Variants in BMS1 observed in about 807,000 individuals in gnomAD.
BMS1 encodes the protein BMS1 ribosome biogenesis factor.
A neutral mutation model predicts 138.7 loss-of-function variants in BMS1; 53 were observed. That is an observed-to-expected ratio of 0.38 (90% CI 0.31 to 0.48). The LOEUF (loss-of-function observed/expected upper bound fraction) is 0.48. Ranked by LOEUF, BMS1 falls within the 20% of genes least tolerant of loss-of-function variation. The pLI, the probability that BMS1 is intolerant of heterozygous loss-of-function variation, is 0.97. For missense variants in BMS1, 1,360 were observed against 1,565.5 expected, an observed-to-expected ratio of 0.87 and a Z score of 2.22; for synonymous variants, 504 against 539.9, an observed-to-expected ratio of 0.93 and a Z score of 0.92.
chr10:42,784,334 C>T (rs927118612), intron 1 of BMS1, 28 bp from the exon 2 acceptor site: 1 of 1,474,716 alleles, frequency 6.8e-7, no homozygotes, highest in Non-Finnish European at 9.0e-7. Context: ...CTTCTCCCAT[C>T]TCCTTACCCC....
At chr10:42,787,766 T>G (rs1377750549) in intron 4 of BMS1, among the ~76,000 whole-genome samples, 2 of 152,204 alleles carry the variant, frequency 1.3e-5, no homozygotes, top group Non-Finnish European at 2.9e-5. Flanking sequence ...ACCTTCATCC[T>G]TAATGATAAT....
intron 13 of BMS1, among the ~76,000 whole-genome samples, chr10:42,807,176 A>G (rs1016671684): frequency 6.6e-6 from 1 of 152,120 alleles, no homozygotes; most frequent in Non-Finnish European, 1.5e-5. Flanking sequence ...TGTTTTATAA[A>G]CACACCCACG....
At chr10:42,827,233 G>A (rs1214002367) in intron 21 of BMS1, among the ~76,000 whole-genome samples, 2 of 152,124 alleles carry the variant, frequency 1.3e-5, no homozygotes, top group Non-Finnish European at 2.9e-5. Context: ...AGCAGCACAA[G>A]ACCCTCGCCA....
intron 21 of BMS1, 108 bp from the exon 22 acceptor site, chr10:42,830,147 CTGGTGT>C (rs1842760149): frequency 8.2e-7 from 1 of 1,218,568 alleles, no homozygotes; most frequent in Non-Finnish European, 1.2e-6. Flanking sequence ...CCGGCAGACT[CTGGTGT>C]TACTAATCTT....
At chr10:42,795,216 A>G (rs1358273921) in intron 9 of BMS1, among the ~76,000 whole-genome samples, 2 of 152,166 alleles carry the variant, frequency 1.3e-5, no homozygotes, top group Non-Finnish European at 2.9e-5. Context: ...TAGTGCGGCA[A>G]TAAACATACG....
chr10:42,790,369 T>G lies in BMS1; in HGVS notation c.494T>G (p.Phe165Cys). 1 of 1,613,918 alleles carries G rather than the reference T, an allele frequency of 6.2e-7. No individual in the cohort carries two copies. The highest frequency in any genetic ancestry group is 8.5e-7 in the Non-Finnish European group (1 of 1,179,824). ...DASFGFEMET[F>C]EFLNICQVHG... ...AGCTTTGGGTTTGAAATGGAAACGT[T>G]TGAGTTTCTAAACATCTGTCAAGTA... is the stretch of plus-strand genomic sequence containing the variant. Residue 165 changes from phenylalanine to cysteine, a missense_variant, in exon 5 of 23, where the codon TTT becomes TGT. This residue lies in a region of BMS1 where 238 missense variants were observed against 311.1 expected (regional missense o/e 0.77). Transcript: ENST00000374518.
intron 12 of BMS1, among the ~76,000 whole-genome samples, chr10:42,799,489 C>A (rs1389959675): frequency 6.6e-6 from 1 of 152,202 alleles, no homozygotes; most frequent in Non-Finnish European, 1.5e-5. Context: ...TTAGATGTCA[C>A]TTCTCACAGA....
At chr10:42,793,522 C>A (rs1490255214) in intron 8 of BMS1, among the ~76,000 whole-genome samples, 1 of 151,992 alleles carries the variant, frequency 6.6e-6, no homozygotes, top group Non-Finnish European at 1.5e-5. Flanking sequence ...ATATTTATTT[C>A]TTTGTTCTGA....
intron 21 of BMS1, among the ~76,000 whole-genome samples, chr10:42,827,908 C>T (rs1291308217): frequency 1.3e-5 from 2 of 152,110 alleles, no homozygotes; most frequent in African/African-American, 2.4e-5. Context: ...CTATTTTTTT[C>T]CCCACCATAT....
At chr10:42,797,281 G>A in intron 10 of BMS1, 50 bp downstream of exon 10, 1 of 1,578,098 alleles carries the variant, frequency 6.3e-7, no homozygotes, top group Non-Finnish European at 8.6e-7. Context: ...TCTCGAAATG[G>A]TAACCAAAGG....
rs763663032 is a variant in BMS1, at chr10:42,820,967, C to G, written c.2984C>G (p.Ala995Gly). 6.3e-7 allele frequency: 1 copy of G among 1,599,192 alleles called. No individual in the cohort carries two copies. The highest frequency in any genetic ancestry group is 8.5e-7 in the Non-Finnish European group (1 of 1,176,598). ...PITPQGTGFL[A>G]IQSVSGIMPD... The stretch of plus-strand genomic sequence containing the variant: ...ACTCCACAGGGAACTGGTTTCTTGG[C>G]AATACAGTCTGTCAGTGGCATAATG... The change falls in exon 18 of 23, where the codon GCA (alanine) becomes GGA (glycine). Residue 995 changes from alanine to glycine, a missense_variant. Ala to Gly is a moderately conservative substitution (Grantham distance 60). This residue lies in a region of BMS1 where 425 missense variants were observed against 568.3 expected (regional missense o/e 0.75). Coordinates refer to ENST00000374518, the MANE Select transcript of BMS1 (RefSeq NM_014753.4).
chr10:42,820,227 C>A lies in BMS1; in HGVS notation c.2581-9C>A, dbSNP rs746318994. ...GCATACAGGTTTTTTTATTCCCCATCATGTACAGCTGAATCGCGCAGAATT... is the reference window on the plus strand; with the variant it reads ...GCATACAGGTTTTTTTATTCCCCATAATGTACAGCTGAATCGCGCAGAATT... On this transcript the variant is annotated splice_polypyrimidine_tract_variant and intron_variant, in intron 15 of 22. Transcript: ENST00000374518. 2 of 1,609,440 alleles carry A rather than the reference C, an allele frequency of 1.2e-6. No individual in the cohort carries two copies. Among genetic ancestry groups the A allele is most frequent in the Non-Finnish European group, 8.5e-7 (1 of 1,179,750 alleles).
chr10:42,796,499 C>A lies in BMS1; in HGVS notation c.1255C>A (p.Gln419Lys). ...QGLMMPKEEK[Q>K]MDLNTGRMRR... ...GCTAATGATGCCAAAGGAGGAAAAACAAATGGACTTGAACACTGGTCGAAT... is the reference window on the plus strand; with the variant it reads ...GCTAATGATGCCAAAGGAGGAAAAAAAAATGGACTTGAACACTGGTCGAAT... The change falls in exon 10 of 23, where the codon CAA (glutamine) becomes AAA (lysine). Residue 419 changes from glutamine (Q) to lysine (K), a missense_variant. By Grantham distance (53) the Gln-to-Lys change is moderately conservative. Transcript: ENST00000374518. 1 of 1,613,014 alleles carries A rather than the reference C, an allele frequency of 6.2e-7. No individual in the cohort carries two copies. The highest frequency in any genetic ancestry group is 2.2e-5 in the East Asian group (1 of 44,850).
chr10:42,824,970 T>A (rs1842596704), intron 21 of BMS1, among the ~76,000 whole-genome samples: 1 of 152,124 alleles, frequency 6.6e-6, no homozygotes, highest in Non-Finnish European at 1.5e-5. Context: ...TGTTTGGGGT[T>A]TTTTGTGGTT....
At chr10:42,811,455 A>G (rs1842174938) in intron 13 of BMS1, among the ~76,000 whole-genome samples, 1 of 150,060 alleles carries the variant, frequency 6.7e-6, no homozygotes, top group African/African-American at 2.5e-5. Flanking sequence ...GTGAGCATTT[A>G]GTGTTTAAAT....
At chr10:42,825,255 C>G (rs1309660957) in intron 21 of BMS1, among the ~76,000 whole-genome samples, 1 of 152,160 alleles carries the variant, frequency 6.6e-6, no homozygotes, top group African/African-American at 2.4e-5. Flanking sequence ...GATCTGCCCG[C>G]TGTGGTCTCT....
At chr10:42,821,240 G>A (rs1435384545) in intron 18 of BMS1, among the ~76,000 whole-genome samples, 3 of 152,086 alleles carry the variant, frequency 2.0e-5, no homozygotes, top group Non-Finnish European at 4.4e-5. Context: ...ATCTAAGCAA[G>A]TACTTAAGCA....
At position 42,784,258 on chromosome 10, in the gene BMS1, A is replaced by G. The variant is rs536489422; in HGVS notation, c.-33-104A>G. The G allele has an allele frequency of 3.3e-5, 27 of 819,694 alleles. 1 individual carries two copies. The South Asian group carries it at 6.0e-4, about 18-fold the overall frequency. The allele number at this position is 819,694 out of a possible 1,614,324, so 50.8% of individuals were successfully genotyped here. A position where few individuals can be genotyped will look rare whatever the true frequency, so the allele number is the denominator to read the frequency against. ...CCCTTGTTCAGTGAACAAATACATC[A>G]TCTCTTCATAAAGAAATAAATGAAA... On this transcript the variant is annotated intron_variant, in intron 1 of 22. Coordinates refer to ENST00000374518, the MANE Select transcript of BMS1 (RefSeq NM_014753.4).
intron 5 of BMS1, among the ~76,000 whole-genome samples, chr10:42,791,400 C>G (rs768395998): frequency 6.6e-6 from 1 of 152,150 alleles, no homozygotes; most frequent in Non-Finnish European, 1.5e-5. Context: ...ACCTCCCTCT[C>G]CTCACCATAC....
Sources: gnomAD v4.1 joint callset for allele counts (sites outside exome capture counted in the v4.1 genomes callset) on GRCh38, gnomAD v4.1.1 for gene constraint, gnomAD v4.1.1 regional missense constraint, MANE v1.5 for transcripts, NCBI Gene and HGNC (gene_info 2026-07-23, HGNC 2026-07-21) for gene names.